The following GABRA3 variants were observed in gnomAD, a reference collection of about 807,000 sequenced individuals.
The protein encoded by GABRA3 is gamma-aminobutyric acid receptor subunit alpha-3.
Under a neutral mutation model 30.1 loss-of-function variants are expected in GABRA3, and 10 were observed. That is an observed-to-expected ratio of 0.33 (90% CI 0.20 to 0.56). The LOEUF is 0.56. Ranked by LOEUF, GABRA3 falls within the 20% of genes least tolerant of loss-of-function variation. GABRA3 has a pLI of 0.89. For missense variants in GABRA3, 233 were observed against 392.0 expected (o/e 0.59, Z 3.42); for synonymous variants, 151 against 146.8 (o/e 1.03, Z -0.21).
chrX:152,428,025 G>A (rs1351920387), intron 1 of GABRA3, among the ~76,000 whole-genome samples: 5 of 112,128 alleles, frequency 4.5e-5, no homozygotes, highest in Non-Finnish European at 9.4e-5. Context: ...GAGAATACAG[G>A]TAATAGCTAA....
At chrX:152,290,172 G>A (rs1014476371) in intron 3 of GABRA3, among the ~76,000 whole-genome samples, 1 of 111,586 alleles carries the variant, frequency 9.0e-6, no homozygotes, top group Non-Finnish European at 1.9e-5. Context: ...ATCCTCTCCA[G>A]TATCTGTTCT....
rs1417173374 is a variant in GABRA3, at chrX:152,410,361, A to C, written c.-27+40785T>G. Reference sequence around the variant, plus strand: ...TTATCGTGTATTTTTAAATAAAAAAAAGTGAAATTGGAATGTTCCTAACAC... The same window carrying C: ...TTATCGTGTATTTTTAAATAAAAAACAGTGAAATTGGAATGTTCCTAACAC... On this transcript the variant is annotated intron_variant, in intron 1 of 9. Transcript: ENST00000370314. 6.3e-5 allele frequency among the ~76,000 whole-genome samples: 7 copies of C among 111,574 alleles called. 1 individual carries two copies. The highest frequency in any genetic ancestry group is 5.7e-4 in the Admixed American group (6 of 10,500).
At chrX:152,271,428 C>G (rs762942311) in intron 4 of GABRA3, among the ~76,000 whole-genome samples, 6 of 112,113 alleles carry the variant, frequency 5.4e-5, no homozygotes, top group Non-Finnish European at 9.4e-5. Context: ...TTTGCCCCTG[C>G]CCTAGAGATC....
chrX:152,254,509 C>T (rs2124413088), intron 5 of GABRA3, among the ~76,000 whole-genome samples: 1 of 110,056 alleles, frequency 9.1e-6, no homozygotes, highest in African/African-American at 3.3e-5. Flanking sequence ...CCTCATCTTC[C>T]CACTTCTATC....
chrX:152,351,997 G>T (rs578192415), intron 2 of GABRA3, among the ~76,000 whole-genome samples: 10 of 111,209 alleles, frequency 9.0e-5, no homozygotes, highest in African/African-American at 3.3e-4. Flanking sequence ...TACATGAGTG[G>T]AATTCATGGT....
At chrX:152,330,187 A>G (rs890436372) in intron 3 of GABRA3, among the ~76,000 whole-genome samples, 1 of 112,076 alleles carries the variant, frequency 8.9e-6, no homozygotes, top group Non-Finnish European at 1.9e-5. Flanking sequence ...ATCATTAAAA[A>G]GTCAGGAAAC....
At chrX:152,279,171 A>G (rs1488584191) in intron 4 of GABRA3, among the ~76,000 whole-genome samples, 1 of 111,845 alleles carries the variant, frequency 8.9e-6, no homozygotes, top group African/African-American at 3.3e-5. Context: ...TGTTTTAGAT[A>G]TGAAGTCTTT....
At chrX:152,336,785 T>C (rs1940240862) in intron 3 of GABRA3, among the ~76,000 whole-genome samples, 1 of 111,786 alleles carries the variant, frequency 8.9e-6, no homozygotes, top group South Asian at 3.7e-4. Flanking sequence ...TTAAATATTA[T>C]GCAGAAAATG....
intron 2 of GABRA3, among the ~76,000 whole-genome samples, chrX:152,361,689 C>T (rs1928511768): frequency 9.2e-6 from 1 of 108,706 alleles, no homozygotes; most frequent in Admixed American, 9.8e-5. Context: ...ACTGTGTGGC[C>T]ATGGCTGGCC....
rs138175913 is a variant in GABRA3, at chrX:152,323,844, T to C, written c.262+21737A>G. Among the ~76,000 whole-genome samples, 313 of 111,693 alleles carry C rather than the reference T, an allele frequency of 2.8e-3. 9 individuals are homozygous for C. The East Asian group carries it at 0.075, about 27-fold the overall frequency. The stretch of plus-strand genomic sequence containing the variant: ...GCATAAAATCTGTATTTAGAGAAAA[T>C]AGAACAAAGAAACTCTTAAGAGACC... On this transcript the variant is annotated intron_variant, in intron 3 of 9. Coordinates refer to ENST00000370314, the MANE Select transcript of GABRA3 (RefSeq NM_000808.4).
chrX:152,356,541 A>C (rs1296345293), intron 2 of GABRA3, among the ~76,000 whole-genome samples: 1 of 111,545 alleles, frequency 9.0e-6, no homozygotes, highest in African/African-American at 3.3e-5. Flanking sequence ...ATACAACTCT[A>C]ATATTTGTGC....
intron 1 of GABRA3, among the ~76,000 whole-genome samples, chrX:152,371,528 T>A (rs1314914672): frequency 1.8e-5 from 2 of 111,092 alleles, no homozygotes; most frequent in African/African-American, 6.6e-5. Context: ...TGTCAGTTTG[T>A]CCCTCTATAC....
intron 4 of GABRA3, among the ~76,000 whole-genome samples, chrX:152,271,066 A>G (rs867537862): frequency 1.6e-4 from 17 of 107,572 alleles, no homozygotes; most frequent in African/African-American, 5.8e-4. Flanking sequence ...GGTTCAAGCG[A>G]TTCTCCTGCC....
At chrX:152,381,206 TTTTC>T (rs780203123) in intron 1 of GABRA3, among the ~76,000 whole-genome samples, 1 of 112,164 alleles carries the variant, frequency 8.9e-6, no homozygotes, top group African/African-American at 3.2e-5. Context: ...AATAAACTTC[TTTTC>T]TTTATGAATT....
intron 3 of GABRA3, among the ~76,000 whole-genome samples, chrX:152,341,288 C>T (rs1436000499): frequency 1.8e-5 from 2 of 111,123 alleles, no homozygotes; most frequent in Non-Finnish European, 3.8e-5. Flanking sequence ...TTGATGGGCA[C>T]TTAGGTTGGT....
At chrX:152,323,946 T>C (rs11094571) in intron 3 of GABRA3, among the ~76,000 whole-genome samples, 23,712 of 111,631 alleles carry the variant, frequency 0.21, 2,289 homozygotes, top group African/African-American at 0.39. Context: ...ATTGAGCTAC[T>C]ATTTCTAATT....
chrX:152,245,507 G>A (rs1001451244), intron 5 of GABRA3, among the ~76,000 whole-genome samples: 1 of 110,935 alleles, frequency 9.0e-6, no homozygotes, highest in Non-Finnish European at 1.9e-5. Context: ...GCAGGAAGGA[G>A]GGCCACCACT....
intron 1 of GABRA3, among the ~76,000 whole-genome samples, chrX:152,367,721 C>T (rs1177677004): frequency 1.8e-5 from 2 of 111,265 alleles, no homozygotes; most frequent in African/African-American, 6.5e-5. Context: ...TTAAACATAA[C>T]ATTTTCAGAT....
At chrX:152,289,306 C>T (rs1939353148) in intron 3 of GABRA3, among the ~76,000 whole-genome samples, 1 of 109,004 alleles carries the variant, frequency 9.2e-6, no homozygotes, top group African/African-American at 3.3e-5. Flanking sequence ...TTAGTGCTAC[C>T]CTTTGGATCC....
Sources: allele counts gnomAD v4.1 joint callset (sites outside exome capture counted in the v4.1 genomes callset), GRCh38; gene constraint gnomAD v4.1.1; transcripts MANE v1.5; gene names NCBI Gene and HGNC (gene_info 2026-07-23, HGNC 2026-07-21).